Variants in CBFA2T2 observed in about 807,000 individuals in gnomAD.
CBFA2T2 encodes the protein protein CBFA2T2.
A neutral mutation model predicts 62.2 loss-of-function variants in CBFA2T2; 11 were observed. The ratio of observed to expected loss-of-function variants is 0.18; its 90% CI spans 0.11 to 0.29. The LOEUF is 0.29. Ranked by LOEUF, CBFA2T2 falls within the 10% of genes least tolerant of loss-of-function variation. The pLI is 1.00. For missense variants in CBFA2T2, 592 were observed against 774.1 expected, an observed-to-expected ratio of 0.76 and a Z score of 2.79; for synonymous variants, 295 against 287.5, an observed-to-expected ratio of 1.03 and a Z score of -0.27.
At chr20:33,572,635 G>T (rs1306133741) in intron 1 of CBFA2T2, among the ~76,000 whole-genome samples, 1 of 152,190 alleles carries the variant, frequency 6.6e-6, no homozygotes, top group African/African-American at 2.4e-5. Flanking sequence ...TGATGGGAAT[G>T]AACTCAGTAT....
At chr20:33,513,232 T>C (rs2011539710) in intron 1 of CBFA2T2, among the ~76,000 whole-genome samples, 1 of 152,216 alleles carries the variant, frequency 6.6e-6, no homozygotes, top group Admixed American at 6.5e-5. Context: ...CTCTCCAGAC[T>C]AACAACTTGC....
chr20:33,559,191 T>TTTTTTTTTTTTTTC (rs1262754603), intron 1 of CBFA2T2, among the ~76,000 whole-genome samples: 1 of 145,670 alleles, frequency 6.9e-6, no homozygotes, highest in African/African-American at 2.6e-5. Flanking sequence ...TTTTTTTTTT[T>TTTTTTTTTTTTTTC]TTCTGAGATG....
chr20:33,619,408 A>G, intron 3 of CBFA2T2, 109 bp from the exon 4 acceptor site: 1 of 497,688 alleles, frequency 2.0e-6, no homozygotes, highest in Non-Finnish European at 3.1e-6. Flanking sequence ...CTCCATCTCA[A>G]ATAAATAAAT....
At chr20:33,508,500 C>T (rs1273401574) in intron 1 of CBFA2T2, among the ~76,000 whole-genome samples, 1 of 151,974 alleles carries the variant, frequency 6.6e-6, no homozygotes, top group Admixed American at 6.6e-5. Context: ...GTGTCATGGG[C>T]GTTTGTTGTA....
At chr20:33,533,397 A>G (rs2012114263) in intron 1 of CBFA2T2, among the ~76,000 whole-genome samples, 1 of 152,250 alleles carries the variant, frequency 6.6e-6, no homozygotes, top group African/African-American at 2.4e-5. Flanking sequence ...AGATGAAATC[A>G]TACAATATGC....
At chr20:33,609,227 G>C (rs937666607) in intron 2 of CBFA2T2, among the ~76,000 whole-genome samples, 1 of 152,174 alleles carries the variant, frequency 6.6e-6, no homozygotes, top group Non-Finnish European at 1.5e-5. Context: ...TAGGCCAGGC[G>C]CAGTGGCTCA....
chr20:33,524,828 G>A (rs2011838728), intron 1 of CBFA2T2, among the ~76,000 whole-genome samples: 1 of 152,122 alleles, frequency 6.6e-6, no homozygotes, highest in South Asian at 2.1e-4. Flanking sequence ...CAGAAAATGT[G>A]ACAAATAGCT....
intron 1 of CBFA2T2, among the ~76,000 whole-genome samples, chr20:33,534,470 G>A (rs1270357694): frequency 1.3e-5 from 2 of 151,880 alleles, no homozygotes; most frequent in African/African-American, 4.8e-5. Context: ...GCGCCACCAC[G>A]CCCGGCTAAT....
intron 4 of CBFA2T2, among the ~76,000 whole-genome samples, chr20:33,619,940 G>T (rs557458868): frequency 6.6e-6 from 1 of 152,150 alleles, no homozygotes; most frequent in Non-Finnish European, 1.5e-5. Context: ...AATCCTTTGG[G>T]TATAGTCAGA....
intron 1 of CBFA2T2, among the ~76,000 whole-genome samples, chr20:33,546,624 T>A (rs2012578054): frequency 6.6e-6 from 1 of 151,820 alleles, no homozygotes; most frequent in African/African-American, 2.4e-5. Context: ...TTTTTTTAAT[T>A]TTTTGTAGTG....
At chr20:33,574,110 G>T in intron 1 of CBFA2T2, 1 of 1,565,086 alleles carries the variant, frequency 6.4e-7, no homozygotes. Flanking sequence ...TTATGATGAA[G>T]ATTGAGGATG....
At chr20:33,511,628 A>G (rs2146854712) in intron 1 of CBFA2T2, among the ~76,000 whole-genome samples, 1 of 152,340 alleles carries the variant, frequency 6.6e-6, no homozygotes, top group African/African-American at 2.4e-5. Flanking sequence ...GCCTGGCCAT[A>G]AACTTTTTAT....
intron 8 of CBFA2T2, among the ~76,000 whole-genome samples, chr20:33,635,677 G>T (rs2016606300): frequency 6.6e-6 from 1 of 152,100 alleles, no homozygotes; most frequent in Non-Finnish European, 1.5e-5. Context: ...AGACCTGTCT[G>T]GAAACCCTGA....
chr20:33,564,818 A>G (rs2013235769), intron 1 of CBFA2T2, among the ~76,000 whole-genome samples: 1 of 151,996 alleles, frequency 6.6e-6, no homozygotes, highest in South Asian at 2.1e-4. Flanking sequence ...GACCTCAAGC[A>G]ATAGAGCCAC....
chr20:33,497,972 T>C (rs561489108), intron 1 of CBFA2T2, among the ~76,000 whole-genome samples: 14 of 152,276 alleles, frequency 9.2e-5, no homozygotes, highest in African/African-American at 3.4e-4. Context: ...TGTGAGCCAT[T>C]GAGTCCAGCC....
At chr20:33,584,748 T>C (rs2014290933) in intron 1 of CBFA2T2, among the ~76,000 whole-genome samples, 2 of 152,290 alleles carry the variant, frequency 1.3e-5, no homozygotes, top group Middle Eastern at 3.4e-3. Flanking sequence ...ACTAGCATCA[T>C]TTCCTGATTA....
At chr20:33,623,558 A>AATGT (rs1478685666) in intron 5 of CBFA2T2, among the ~76,000 whole-genome samples, 36 of 136,438 alleles carry the variant, frequency 2.6e-4, no homozygotes, top group East Asian at 9.3e-4. Flanking sequence ...ATGACCAGCT[A>AATGT]ATGTTTGTTT....
chr20:33,510,967 C>T (rs925431159), intron 1 of CBFA2T2, among the ~76,000 whole-genome samples: 13 of 152,148 alleles, frequency 8.5e-5, no homozygotes, highest in Non-Finnish European at 1.8e-4. Context: ...CCTTCACCCA[C>T]GTTTTGATGG....
chr20:33,517,011 G>A (rs988824694), intron 1 of CBFA2T2, among the ~76,000 whole-genome samples: 4 of 152,188 alleles, frequency 2.6e-5, no homozygotes, highest in African/African-American at 9.7e-5. Flanking sequence ...ACCTTTCAGA[G>A]AACTTTCTAA....
Sources: gnomAD v4.1 joint callset for allele counts (sites outside exome capture counted in the v4.1 genomes callset) on GRCh38, gnomAD v4.1.1 for gene constraint, MANE v1.5 for transcripts, NCBI Gene and HGNC (gene_info 2026-07-23, HGNC 2026-07-21) for gene names.